Variants in HSD17B12 observed in about 807,000 individuals in gnomAD.
HSD17B12 encodes hydroxysteroid 17-beta dehydrogenase 12, also known as very-long-chain 3-oxoacyl-CoA reductase.
HSD17B12 carries 32 observed loss-of-function variants against 39.3 expected under a neutral mutation model. That is an observed-to-expected ratio of 0.81 (90% CI 0.61 to 1.09). The LOEUF (loss-of-function observed/expected upper bound fraction) is 1.09. Ranked by LOEUF, HSD17B12 falls within the 50% of genes least tolerant of loss-of-function variation. The pLI is 0.00. For missense variants in HSD17B12, 342 were observed against 382.9 expected (o/e 0.89, Z 0.89); for synonymous variants, 150 against 146.7 (o/e 1.02, Z -0.16).
At chr11:43,632,221 C>A in the HSD17B12 span, among the ~76,000 whole-genome samples, 123 of 152,250 alleles carry the variant, frequency 8.1e-4, no homozygotes, top group African/African-American at 2.9e-3. Context: ...CATTTTACTT[C>A]TCTTGTCTTC....
chr11:43,675,401 A>G, the HSD17B12 span, among the ~76,000 whole-genome samples: 29 of 152,254 alleles, frequency 1.9e-4, no homozygotes, highest in African/African-American at 7.0e-4. Context: ...TGGAAGTGTA[A>G]TAGAACGACT....
intron 4 of HSD17B12, among the ~76,000 whole-genome samples, chr11:43,814,136 G>A (rs1398645991): frequency 6.6e-6 from 1 of 151,226 alleles, no homozygotes. Context: ...ATTGTTATGA[G>A]ATGTTTGTTT....
the HSD17B12 span, among the ~76,000 whole-genome samples, chr11:43,582,935 C>T: frequency 1.3e-5 from 2 of 152,174 alleles, no homozygotes; most frequent in Non-Finnish European, 2.9e-5. Context: ...GAGCAAAAAG[C>T]AAAAGCTCCG....
chr11:43,674,904 A>T, the HSD17B12 span, among the ~76,000 whole-genome samples: 2 of 152,044 alleles, frequency 1.3e-5, no homozygotes, highest in Non-Finnish European at 2.9e-5. Flanking sequence ...CCTCTTGTTA[A>T]CCTCTTTCCT....
intron 6 of HSD17B12, among the ~76,000 whole-genome samples, chr11:43,823,486 G>T (rs1236421303): frequency 6.6e-6 from 1 of 151,780 alleles, no homozygotes; most frequent in Non-Finnish European, 1.5e-5. Flanking sequence ...GCTCAGGCTG[G>T]ACTGGAATTC....
the HSD17B12 span, among the ~76,000 whole-genome samples, chr11:43,657,251 T>C: frequency 2.0e-5 from 3 of 152,242 alleles, no homozygotes; most frequent in African/African-American, 7.2e-5. Flanking sequence ...TTCCATTTAC[T>C]TGGTAGATCT....
intron 1 of HSD17B12, among the ~76,000 whole-genome samples, chr11:43,704,987 G>C (rs1950000306): frequency 6.6e-6 from 1 of 152,178 alleles, no homozygotes; most frequent in Non-Finnish European, 1.5e-5. Flanking sequence ...GGATATTTCT[G>C]TCAGTTTCAG....
chr11:43,558,580 C>G, the HSD17B12 span, among the ~76,000 whole-genome samples: 1 of 152,076 alleles, frequency 6.6e-6, no homozygotes, highest in Non-Finnish European at 1.5e-5. Flanking sequence ...AGGGAATACC[C>G]CCTCCTCCAT....
rs975576552 is a variant in HSD17B12, at chr11:43,854,919, C to T, written c.834+55C>T. ...TACTTTCTGGCTTGGGGTTTCTTTC[C>T]CATTGAGTTACAGGATAGTATGTAA... On this transcript the variant is annotated intron_variant, in intron 10 of 10. Transcript: ENST00000278353. 3.2e-6 allele frequency: 5 copies of T among 1,569,424 alleles called. No individual in the cohort carries two copies. The African/African-American group carries it at 6.8e-5, about 21-fold the overall frequency.
At chr11:43,773,942 C>G (rs1411305305) in intron 3 of HSD17B12, among the ~76,000 whole-genome samples, 1 of 152,136 alleles carries the variant, frequency 6.6e-6, no homozygotes, top group Non-Finnish European at 1.5e-5. Flanking sequence ...ATATTTTACT[C>G]TATGCCTCTC....
At chr11:43,678,052 G>A (rs1226371464), upstream of HSD17B12, among the ~76,000 whole-genome samples, 2 of 152,226 alleles carry the variant, frequency 1.3e-5, no homozygotes, top group African/African-American at 4.8e-5. Flanking sequence ...CCCACCAACA[G>A]TGTAAAAGTG....
At chr11:43,687,911 CT>C (rs957232377) in intron 1 of HSD17B12, among the ~76,000 whole-genome samples, 1 of 152,102 alleles carries the variant, frequency 6.6e-6, no homozygotes, top group Non-Finnish European at 1.5e-5. Flanking sequence ...TTAAAATTGC[CT>C]TTTTTAAAAT....
At chr11:43,813,370 A>C (rs1166075324) in intron 4 of HSD17B12, among the ~76,000 whole-genome samples, 6 of 152,298 alleles carry the variant, frequency 3.9e-5, no homozygotes, top group Middle Eastern at 3.4e-3. Context: ...TATAGCATTA[A>C]TATTCCCATA....
chr11:43,615,528 T>C, the HSD17B12 span, among the ~76,000 whole-genome samples: 2 of 152,204 alleles, frequency 1.3e-5, no homozygotes, highest in African/African-American at 2.4e-5. Context: ...AACCTCTACC[T>C]CATCAGCTCT....
chr11:43,784,456 TG>T (rs2135017891), intron 3 of HSD17B12, among the ~76,000 whole-genome samples: 1 of 76,318 alleles, frequency 1.3e-5, no homozygotes, highest in East Asian at 3.2e-4. Flanking sequence ...CAAGGGCAGG[TG>T]GGGGTGGGGG....
intron 9 of HSD17B12, 178 bp from the exon 10 acceptor site, chr11:43,854,536 GT>G (rs1951562821): frequency 6.8e-6 from 4 of 586,424 alleles, no homozygotes. Context: ...GTTACAATTT[GT>G]TTTATGGTAT....
chr11:43,732,682 C>T (rs1261715796), intron 1 of HSD17B12, among the ~76,000 whole-genome samples: 10 of 151,906 alleles, frequency 6.6e-5, no homozygotes, highest in Non-Finnish European at 1.3e-4. Context: ...AGGCTGGTCT[C>T]GAACTCCTGG....
chr11:43,815,645 G>GTTC (rs1951115532), intron 5 of HSD17B12, 144 bp downstream of exon 5: 4 of 484,596 alleles, frequency 8.3e-6, no homozygotes, highest in Middle Eastern at 2.9e-4. Context: ...CTGGGTATGG[G>GTTC]CCTAGCCATA....
the HSD17B12 span, among the ~76,000 whole-genome samples, chr11:43,625,379 T>A: frequency 3.3e-5 from 5 of 151,614 alleles, no homozygotes; most frequent in Admixed American, 6.6e-5. Flanking sequence ...TGTAAAAAAA[T>A]TATTTAGCAA....
Sources: gnomAD v4.1 joint callset for allele counts (sites outside exome capture counted in the v4.1 genomes callset) on GRCh38, gnomAD v4.1.1 for gene constraint, MANE v1.5 for transcripts, NCBI Gene and HGNC (gene_info 2026-07-23, HGNC 2026-07-21) for gene names.